DDX10: variants seen among roughly 807,000 people sequenced by gnomAD.
The protein encoded by DDX10 is DEAD-box helicase 10, also known as probable ATP-dependent RNA helicase DDX10.
A neutral mutation model predicts 104.3 loss-of-function variants in DDX10; 74 were observed. That is an observed-to-expected ratio of 0.71 (90% CI 0.59 to 0.86). The LOEUF (loss-of-function observed/expected upper bound fraction) is 0.86, where lower values mean the gene tolerates loss of function less well. Among genes scored for constraint, DDX10 ranks in the 40% least tolerant of loss-of-function variants. The probability of loss-of-function intolerance (pLI) is 0.00; values close to 1 mark genes in which losing one functional copy is unlikely to be tolerated. For missense variants in DDX10, 952 were observed against 1,040.0 expected, an observed-to-expected ratio of 0.92 and a Z score of 1.16; for synonymous variants, 351 against 353.4, an observed-to-expected ratio of 0.99 and a Z score of 0.08.
intron 16 of DDX10, among the ~76,000 whole-genome samples, chr11:108,914,349 G>A (rs1863717515): frequency 6.6e-6 from 1 of 152,122 alleles, no homozygotes; most frequent in Non-Finnish European, 1.5e-5. Context: ...AAAGCCAGCA[G>A]AGCAGCTGGA....
chr11:108,706,671 A>G (rs1471512425), intron 9 of DDX10, 68 bp from the exon 10 acceptor site: 1 of 1,228,326 alleles, frequency 8.1e-7, no homozygotes, highest in Non-Finnish European at 1.2e-6. Flanking sequence ...TTACCTATGC[A>G]TCACTCTGTT....
chr11:108,829,816 C>T (rs1862444749), intron 13 of DDX10, among the ~76,000 whole-genome samples: 3 of 152,128 alleles, frequency 2.0e-5, no homozygotes, highest in South Asian at 4.1e-4. Flanking sequence ...CCAGTTATAC[C>T]AGCACTATTT....
intron 13 of DDX10, among the ~76,000 whole-genome samples, chr11:108,830,305 C>CT (rs1862451056): frequency 1.3e-5 from 2 of 152,038 alleles, no homozygotes; most frequent in African/African-American, 4.8e-5. Context: ...AAGTATTTTA[C>CT]GTTTTTTTGC....
intron 16 of DDX10, among the ~76,000 whole-genome samples, chr11:108,862,284 A>C (rs922725667): frequency 2.0e-5 from 3 of 152,118 alleles, no homozygotes; most frequent in African/African-American, 7.2e-5. Context: ...TCAGCCTCCC[A>C]ATGTGCTGGG....
intron 16 of DDX10, among the ~76,000 whole-genome samples, chr11:108,899,486 C>A (rs925556945): frequency 2.7e-5 from 4 of 149,344 alleles, no homozygotes; most frequent in Admixed American, 2.7e-4. Flanking sequence ...TCAAAGCATG[C>A]ACAGCTACCT....
At chr11:108,757,634 G>A (rs935414570) in intron 13 of DDX10, among the ~76,000 whole-genome samples, 1 of 152,042 alleles carries the variant, frequency 6.6e-6, no homozygotes, top group Non-Finnish European at 1.5e-5. Flanking sequence ...ACGCTTAGAT[G>A]TGACTAGACC....
chr11:108,901,807 T>G (rs1234389385), intron 16 of DDX10, among the ~76,000 whole-genome samples: 1 of 152,114 alleles, frequency 6.6e-6, no homozygotes, highest in Non-Finnish European at 1.5e-5. Context: ...TTACCACCTA[T>G]CTAGGGATTT....
At chr11:108,815,182 G>C (rs559257962) in intron 13 of DDX10, among the ~76,000 whole-genome samples, 1 of 151,824 alleles carries the variant, frequency 6.6e-6, no homozygotes, top group African/African-American at 2.4e-5. Flanking sequence ...ATTACCTTTT[G>C]GTTTATATAC....
At chr11:108,730,151 T>G (rs1187314503) in intron 13 of DDX10, 1 of 152,254 alleles carries the variant, frequency 6.6e-6, no homozygotes, top group East Asian at 1.9e-4. Flanking sequence ...ATTCTTGGTA[T>G]GAACAATAGG....
At chr11:108,834,050 G>A (rs987811545) in intron 13 of DDX10, among the ~76,000 whole-genome samples, 4 of 151,902 alleles carry the variant, frequency 2.6e-5, no homozygotes, top group African/African-American at 9.7e-5. Flanking sequence ...TGACCTCCTG[G>A]GCTGAAGTGA....
intron 13 of DDX10, among the ~76,000 whole-genome samples, chr11:108,734,055 C>T (rs1302233008): frequency 6.6e-6 from 1 of 152,158 alleles, no homozygotes; most frequent in Non-Finnish European, 1.5e-5. Context: ...TCCCTTACTT[C>T]TTCAACCCAC....
At chr11:108,757,843 C>T (rs947164889) in intron 13 of DDX10, among the ~76,000 whole-genome samples, 3 of 151,968 alleles carry the variant, frequency 2.0e-5, no homozygotes, top group African/African-American at 7.2e-5. Context: ...TTTTTACTAT[C>T]GACTCTGTGA....
At chr11:108,729,861 A>G (rs1335087093) in intron 13 of DDX10, 2 of 152,240 alleles carry the variant, frequency 1.3e-5, no homozygotes, top group Non-Finnish European at 2.9e-5. Flanking sequence ...AAATTCTTTA[A>G]TGATATCTCT....
chr11:108,735,525 T>C (rs1425522247), intron 13 of DDX10, among the ~76,000 whole-genome samples: 1 of 152,150 alleles, frequency 6.6e-6, no homozygotes, highest in South Asian at 2.1e-4. Context: ...GGCACTCTTC[T>C]GTTGTTGCTG....
intron 13 of DDX10, among the ~76,000 whole-genome samples, chr11:108,837,239 A>C (rs1205791009): frequency 6.6e-6 from 1 of 152,250 alleles, no homozygotes; most frequent in Non-Finnish European, 1.5e-5. Flanking sequence ...AACTAATCTC[A>C]TATAGCTTAT....
At chr11:108,677,473 C>T (rs116547634) in intron 4 of DDX10, among the ~76,000 whole-genome samples, 1,773 of 151,940 alleles carry the variant, frequency 0.012, 37 homozygotes, top group African/African-American at 0.041. Context: ...ATTAGCCTCT[C>T]TAAGACATAT....
At chr11:108,808,718 C>T (rs1314026747) in intron 13 of DDX10, among the ~76,000 whole-genome samples, 1 of 152,052 alleles carries the variant, frequency 6.6e-6, no homozygotes, top group East Asian at 1.9e-4. Context: ...TCCTGTCAGC[C>T]ATGCTCATGT....
Position 108,940,427 on chromosome 11 carries a change from C to A in DDX10, c.*4C>A. ...TCTGCTAAGAAGTCAAAGCTAAATA[C>A]TTCCTGCGCCTGCCTTCTCCTTGAA... On this transcript the variant is annotated 3_prime_UTR_variant, in exon 18 of 18. Transcript: ENST00000322536. 6.2e-7 allele frequency: 1 copy of A among 1,610,752 alleles called. No homozygotes were observed.
intron 15 of DDX10, among the ~76,000 whole-genome samples, chr11:108,845,427 T>C (rs2134599736): frequency 6.6e-6 from 1 of 152,326 alleles, no homozygotes; most frequent in South Asian, 2.1e-4. Context: ...CTTAGTTCTT[T>C]TAGTGTAGGG....
Sources: gnomAD v4.1 joint callset for allele counts (sites outside exome capture counted in the v4.1 genomes callset) on GRCh38, gnomAD v4.1.1 for gene constraint, MANE v1.5 for transcripts, NCBI Gene and HGNC (gene_info 2026-07-23, HGNC 2026-07-21) for gene names.